The following HGSNAT variants were observed in gnomAD, a reference collection of about 807,000 sequenced individuals.
The protein encoded by HGSNAT is heparan-alpha-glucosaminide N-acetyltransferase.
A neutral mutation model predicts 85.2 loss-of-function variants in HGSNAT; 59 were observed. That is an observed-to-expected ratio of 0.69 (90% CI 0.56 to 0.86). HGSNAT has a LOEUF of 0.86. Ranked by LOEUF, HGSNAT falls within the 40% of genes least tolerant of loss-of-function variation. The pLI is 0.00. For missense variants in HGSNAT, 756 were observed against 777.1 expected (o/e 0.97, Z 0.32); for synonymous variants, 321 against 304.5 (o/e 1.05, Z -0.56).
chr8:43,172,469 C>T, intron 8 of HGSNAT, 83 bp downstream of exon 8: 1 of 979,368 alleles, frequency 1.0e-6, no homozygotes, highest in Admixed American at 2.0e-5. Flanking sequence ...GCATTCTCCC[C>T]AGAAACTCCA....
intron 10 of HGSNAT, among the ~76,000 whole-genome samples, chr8:43,178,809 G>A (rs1395040969): frequency 6.8e-6 from 1 of 145,990 alleles, no homozygotes; most frequent in East Asian, 2.0e-4. Context: ...GAGTGGTGAT[G>A]ACTCTTAACG....
intron 1 of HGSNAT, among the ~76,000 whole-genome samples, chr8:43,146,745 ATG>A (rs1205645054): frequency 4.6e-5 from 7 of 151,690 alleles, no homozygotes; most frequent in South Asian, 2.1e-4. Context: ...ACATGCATGC[ATG>A]TGTGTGTGTG....
intron 4 of HGSNAT, among the ~76,000 whole-genome samples, chr8:43,160,745 A>G (rs1024013789): frequency 6.6e-6 from 1 of 152,188 alleles, no homozygotes; most frequent in African/African-American, 2.4e-5. Context: ...GTCCCTTTTA[A>G]TATCCTTCTC....
chr8:43,148,631 A>G (rs1049261468), intron 2 of HGSNAT, among the ~76,000 whole-genome samples: 2 of 150,604 alleles, frequency 1.3e-5, no homozygotes, highest in Admixed American at 1.3e-4. Flanking sequence ...CTATTAAAAA[A>G]TACAAAAAAT....
At chr8:43,143,541 C>CTT (rs906460660) in intron 1 of HGSNAT, among the ~76,000 whole-genome samples, 1 of 143,028 alleles carries the variant, frequency 7.0e-6, no homozygotes. Context: ...TTCTTTCTTT[C>CTT]TTTTTTTTTT....
At chr8:43,171,093 C>T (rs564989989) in intron 7 of HGSNAT, among the ~76,000 whole-genome samples, 3 of 152,342 alleles carry the variant, frequency 2.0e-5, no homozygotes, top group East Asian at 1.9e-4. Context: ...GCTGATCCTG[C>T]GCTGCTAGCA....
In HGSNAT at chr8:43,183,851, G is replaced by A. The variant is rs552707865; in HGVS notation, c.1128+1591G>A. ...CACCCTGTGACCAAGTGTTCTCATTGTTTAATTCCCACCTATGAGTGAGAA... is the reference window on the plus strand; with the variant it reads ...CACCCTGTGACCAAGTGTTCTCATTATTTAATTCCCACCTATGAGTGAGAA... On this transcript the variant is annotated intron_variant, in intron 11 of 17. Coordinates refer to ENST00000379644, the MANE Select transcript of HGSNAT (RefSeq NM_152419.3). Among the ~76,000 whole-genome samples, 10 of 152,114 alleles carry A rather than the reference G, an allele frequency of 6.6e-5. No homozygotes were observed. In the South Asian group the frequency reaches 1.9e-3, roughly 28 times the overall value.
intron 11 of HGSNAT, among the ~76,000 whole-genome samples, chr8:43,186,081 A>G (rs1170737173): frequency 6.6e-6 from 1 of 152,022 alleles, no homozygotes; most frequent in Non-Finnish European, 1.5e-5. Flanking sequence ...TTCATCAGGG[A>G]TATTGGTCTA....
At chr8:43,192,917 G>A (rs1450326552) in intron 13 of HGSNAT, among the ~76,000 whole-genome samples, 4 of 152,178 alleles carry the variant, frequency 2.6e-5, no homozygotes, top group South Asian at 2.1e-4. Context: ...CAGTCCTTGC[G>A]GGGGAATAAA....
Position 43,186,284 on chromosome 8 carries a change from G to A in HGSNAT, c.1128+4024G>A, listed in dbSNP as rs187393262. ...ATCTGGTGCTGGAGTTTTTTTGTTG[G>A]TAGGCTATTAATTATTGCTTCAATT... On this transcript the variant is annotated intron_variant, in intron 11 of 17. Coordinates refer to ENST00000379644, the MANE Select transcript of HGSNAT (RefSeq NM_152419.3). Among the ~76,000 whole-genome samples the A allele has an allele frequency of 8.7e-4, 132 of 152,196 alleles. 1 individual carries two copies. The highest frequency in any genetic ancestry group is 3.4e-3 in the Middle Eastern group (1 of 294).
At chr8:43,171,971 C>A (rs965179412) in intron 7 of HGSNAT, among the ~76,000 whole-genome samples, 1 of 152,142 alleles carries the variant, frequency 6.6e-6, no homozygotes, top group African/African-American at 2.4e-5. Context: ...CACCAGAGTT[C>A]TTTAACCCGA....
intron 11 of HGSNAT, 55 bp downstream of exon 11, chr8:43,182,315 T>C: frequency 1.5e-6 from 2 of 1,335,452 alleles, no homozygotes; most frequent in Non-Finnish European, 2.2e-6. Flanking sequence ...AAAAAATGTA[T>C]TGTGTGGTGA....
intron 3 of HGSNAT, 69 bp downstream of exon 3, chr8:43,158,780 T>A (rs1335005706): frequency 1.3e-5 from 20 of 1,524,820 alleles, no homozygotes; most frequent in Non-Finnish European, 1.8e-5. Context: ...GGTTTTAGCT[T>A]TTTTTCTCTT....
At chr8:43,197,819 C>T (rs761747744) in intron 16 of HGSNAT, 21 bp from the exon 17 acceptor site, 6 of 1,604,098 alleles carry the variant, frequency 3.7e-6, no homozygotes, top group Middle Eastern at 1.7e-4. Context: ...AGCACTGAAA[C>T]GTCTCCTCCA....
At position 43,170,689 on chromosome 8, in the gene HGSNAT, CA is replaced by C. The variant is rs1085307880; in HGVS notation, c.739del (p.Arg247GlyfsTer29). Reference protein sequence around the residue: ...PPRLRSVDTFRGIALILMVFV... With the variant: ...PPRLRSVDTFXGIALILMVFV... The stretch of plus-strand genomic sequence containing the variant: ...CCCGCCTCCGCAGCGTGGACACCTT[CA>C]GGGGGTATGTGGGCCTCCCTGTAGC... On this transcript the variant is annotated frameshift_variant, in exon 7 of 18. Coordinates refer to ENST00000379644, the MANE Select transcript of HGSNAT (RefSeq NM_152419.3). LOFTEE classifies it high-confidence loss of function. The C allele has an allele frequency of 1.3e-6, 2 of 1,595,926 alleles. No individual in the cohort carries two copies. Among genetic ancestry groups the C allele is most frequent in the Non-Finnish European group, 1.7e-6 (2 of 1,171,468 alleles).
At chr8:43,149,544 C>T (rs1040596431) in intron 2 of HGSNAT, among the ~76,000 whole-genome samples, 9 of 151,750 alleles carry the variant, frequency 5.9e-5, no homozygotes, top group Non-Finnish European at 7.4e-5. Context: ...TGAAAAAATA[C>T]GAAAAGTTAG....
chr8:43,180,097 GGCCGACCCCCCCCCCCACCGC>G (rs1166084347), intron 10 of HGSNAT, among the ~76,000 whole-genome samples: 1 of 64,066 alleles, frequency 1.6e-5, no homozygotes, highest in African/African-American at 4.7e-5. Context: ...CGGGGCGGCT[GGCCGACCCCCCCCCCCACCGC>G]CTCCCTCCCG....
Position 43,192,400 on chromosome 8 carries a change from C to G in HGSNAT, c.1347C>G (p.Asp449Glu). ...AGYIDRLLLGDDHLYQHPSSA... is the reference protein window; with the variant it reads ...AGYIDRLLLGEDHLYQHPSSA... ...ACATCGACCGCCTGCTGCTGGGAGA[C>G]GATCACCTTTACCAGCACCCATCTT... is the stretch of plus-strand genomic sequence containing the variant. The change falls in exon 13 of 18, where the codon GAC (aspartate) becomes GAG (glutamate). Residue 449 changes from aspartate to glutamate, a missense_variant. Coordinates refer to ENST00000379644, the MANE Select transcript of HGSNAT (RefSeq NM_152419.3). 1 of 1,613,244 alleles carries G rather than the reference C, an allele frequency of 6.2e-7. No individual in the cohort carries two copies. The highest frequency in any genetic ancestry group is 8.5e-7 in the Non-Finnish European group (1 of 1,179,624).
chr8:43,154,777 A>G (rs931480388), intron 2 of HGSNAT, among the ~76,000 whole-genome samples: 4 of 152,214 alleles, frequency 2.6e-5, no homozygotes, highest in Non-Finnish European at 4.4e-5. Context: ...ACCGACTTCC[A>G]CAGTGGTTGA....
Sources: allele counts gnomAD v4.1 joint callset (sites outside exome capture counted in the v4.1 genomes callset), GRCh38; gene constraint gnomAD v4.1.1; transcripts MANE v1.5; gene names NCBI Gene and HGNC (gene_info 2026-07-23, HGNC 2026-07-21).